The following CSMD1 variants were observed in gnomAD, a reference collection of about 807,000 sequenced individuals.
The protein encoded by CSMD1 is CUB and sushi domain-containing protein 1.
Under a neutral mutation model 417.5 loss-of-function variants are expected in CSMD1, and 213 were observed. The ratio of observed to expected loss-of-function variants is 0.51; its 90% CI spans 0.46 to 0.57. CSMD1 has a LOEUF of 0.57. Among genes scored for constraint, CSMD1 ranks in the 20% least tolerant of loss-of-function variants. The pLI is 0.00. For missense variants in CSMD1, 6,923 were observed against 4,529.7 expected (o/e 1.53, Z -15.17); for synonymous variants, 2,862 against 1,736.8 (o/e 1.65, Z -16.11).
intron 3 of CSMD1, among the ~76,000 whole-genome samples, chr8:4,124,137 G>T (rs1032452320): frequency 6.6e-6 from 1 of 152,104 alleles, no homozygotes; most frequent in Non-Finnish European, 1.5e-5. Flanking sequence ...GTCAAGTGAT[G>T]AATGTTGTCC....
intron 5 of CSMD1, among the ~76,000 whole-genome samples, chr8:3,949,731 G>A (rs1317204939): frequency 6.6e-6 from 1 of 152,112 alleles, no homozygotes; most frequent in Admixed American, 6.6e-5. Flanking sequence ...TGAGCAATGG[G>A]GACTTGATCC....
At chr8:3,476,785 G>T (rs1367946078) in intron 11 of CSMD1, among the ~76,000 whole-genome samples, 1 of 151,952 alleles carries the variant, frequency 6.6e-6, no homozygotes, top group Non-Finnish European at 1.5e-5. Context: ...AGGCTTGGTG[G>T]CAGACATCTG....
intron 1 of CSMD1, among the ~76,000 whole-genome samples, chr8:4,959,674 A>C (rs1809348679): frequency 6.6e-6 from 1 of 152,244 alleles, no homozygotes; most frequent in Admixed American, 6.5e-5. Flanking sequence ...TAGCTTGTCT[A>C]ACTTTGATCA....
intron 5 of CSMD1, among the ~76,000 whole-genome samples, chr8:3,936,212 C>G (rs1165522028): frequency 2.0e-5 from 3 of 148,192 alleles, no homozygotes; most frequent in Non-Finnish European, 4.5e-5. Flanking sequence ...ATCTGCGTAA[C>G]ATAAAAGGGC....
chr8:4,412,113 G>A (rs957289370), intron 3 of CSMD1, among the ~76,000 whole-genome samples: 1 of 152,066 alleles, frequency 6.6e-6, no homozygotes, highest in African/African-American at 2.4e-5. Context: ...GTGTGCATGT[G>A]TGTTTAGCCA....
intron 1 of CSMD1, among the ~76,000 whole-genome samples, chr8:4,828,801 C>G (rs1446080127): frequency 6.6e-6 from 1 of 152,028 alleles, no homozygotes; most frequent in South Asian, 2.1e-4. Context: ...TCAGATGAGC[C>G]CAGAAGTACT....
chr8:4,314,232 A>C lies in CSMD1; in HGVS notation c.415+105721T>G, dbSNP rs541730027. 6.6e-5 allele frequency among the ~76,000 whole-genome samples: 10 copies of C among 152,144 alleles called. No individual in the cohort carries two copies. In the East Asian group the frequency reaches 1.9e-3, roughly 29 times the overall value. On this transcript the variant is annotated intron_variant, in intron 3 of 69. Coordinates refer to ENST00000635120, the MANE Select transcript of CSMD1 (RefSeq NM_033225.6). The stretch of plus-strand genomic sequence containing the variant: ...GCAGTCACGTTAATAGTTAAGTCAC[A>C]ACACAATGCCACATGGAATACAACA...
chr8:4,466,762 TTATAA>T lies in CSMD1; in HGVS notation c.303-46702_303-46698del, dbSNP rs575258251. On this transcript the variant is annotated intron_variant, in intron 2 of 69. Coordinates refer to ENST00000635120, the MANE Select transcript of CSMD1 (RefSeq NM_033225.6). ...TTCCAATAATACTATATTTATCAAA[TTATAA>T]TATGAGAATACCACCAACTGAAATC... 1.7e-3 allele frequency among the ~76,000 whole-genome samples: 254 copies of T among 152,222 alleles called. 4 individuals are homozygous for T. The highest frequency in any genetic ancestry group is 5.7e-3 in the African/African-American group (236 of 41,546).
At chr8:4,810,542 C>T (rs762531289) in intron 1 of CSMD1, among the ~76,000 whole-genome samples, 4 of 151,874 alleles carry the variant, frequency 2.6e-5, no homozygotes, top group Non-Finnish European at 5.9e-5. Flanking sequence ...TGTGTGTGTG[C>T]GCACGCGCGT....
intron 12 of CSMD1, among the ~76,000 whole-genome samples, chr8:3,450,311 TA>T (rs1401608475): frequency 1.2e-4 from 17 of 140,888 alleles, no homozygotes; most frequent in African/African-American, 4.8e-4. Context: ...AAGCCTCTCC[TA>T]TTTTTTTTTT....
At chr8:3,464,856 C>G (rs141148883) in intron 12 of CSMD1, among the ~76,000 whole-genome samples, 15 of 152,180 alleles carry the variant, frequency 9.9e-5, no homozygotes, top group Middle Eastern at 3.4e-3. Flanking sequence ...GCTTACCTCT[C>G]TCCCATTACT....
chr8:4,777,563 T>A (rs1458286868), intron 1 of CSMD1, among the ~76,000 whole-genome samples: 1 of 152,206 alleles, frequency 6.6e-6, no homozygotes, highest in Non-Finnish European at 1.5e-5. Context: ...GAGCTGTTGT[T>A]CCTTATCAGC....
chr8:4,022,317 G>C (rs1796830162), intron 4 of CSMD1, among the ~76,000 whole-genome samples: 1 of 151,872 alleles, frequency 6.6e-6, no homozygotes, highest in Non-Finnish European at 1.5e-5. Context: ...GTATTATTTA[G>C]TGAACACCCC....
At chr8:4,117,150 A>T (rs1255509048) in intron 3 of CSMD1, among the ~76,000 whole-genome samples, 1 of 151,404 alleles carries the variant, frequency 6.6e-6, no homozygotes, top group African/African-American at 2.4e-5. Flanking sequence ...GAAAAGACAG[A>T]CACGTCCTCG....
At chr8:4,076,923 A>G (rs974839757) in intron 3 of CSMD1, among the ~76,000 whole-genome samples, 1 of 152,182 alleles carries the variant, frequency 6.6e-6, no homozygotes, top group Non-Finnish European at 1.5e-5. Context: ...TATAACATGG[A>G]TATCAGTAAA....
intron 47 of CSMD1, among the ~76,000 whole-genome samples, chr8:3,093,157 G>A (rs982823080): frequency 6.6e-6 from 1 of 152,052 alleles, no homozygotes; most frequent in Non-Finnish European, 1.5e-5. Flanking sequence ...AGAGAGAGAG[G>A]GAGGGTCCCT....
At chr8:3,718,117 C>T (rs1801946429) in intron 6 of CSMD1, among the ~76,000 whole-genome samples, 1 of 152,118 alleles carries the variant, frequency 6.6e-6, no homozygotes, top group South Asian at 2.1e-4. Context: ...AAATAATGCG[C>T]TATTGGATCA....
At chr8:3,457,527 C>A (rs145285003) in intron 12 of CSMD1, among the ~76,000 whole-genome samples, 2 of 152,186 alleles carry the variant, frequency 1.3e-5, no homozygotes, top group South Asian at 2.1e-4. Flanking sequence ...GCATGCCACG[C>A]CTGGCCGTTC....
At chr8:4,405,721 C>A (rs150859238) in intron 3 of CSMD1, among the ~76,000 whole-genome samples, 1 of 152,124 alleles carries the variant, frequency 6.6e-6, no homozygotes, top group African/African-American at 2.4e-5. Flanking sequence ...TCTTATGAAA[C>A]CATCTTTGAA....
Sources: gnomAD v4.1 joint callset for allele counts (sites outside exome capture counted in the v4.1 genomes callset) on GRCh38, gnomAD v4.1.1 for gene constraint, MANE v1.5 for transcripts, NCBI Gene and HGNC (gene_info 2026-07-23, HGNC 2026-07-21) for gene names.